The following S100Z variants were observed in gnomAD, a reference collection of about 807,000 sequenced individuals.
S100Z encodes S100 calcium binding protein Z, also known as protein S100-Z.
In S100Z, 11 loss-of-function variants were observed where a neutral mutation model predicts 8.5. That is an observed-to-expected ratio of 1.30 (90% CI 0.82 to 2.15). S100Z has a LOEUF of 2.15. Ranked by LOEUF, S100Z falls within the 30% of genes most tolerant of loss-of-function variation. S100Z has a pLI of 0.00. For missense variants in S100Z, 126 were observed against 117.9 expected, an observed-to-expected ratio of 1.07 and a Z score of -0.32; for synonymous variants, 34 against 43.8, an observed-to-expected ratio of 0.78 and a Z score of 0.89.
the S100Z span, among the ~76,000 whole-genome samples, chr5:76,943,349 G>A: frequency 1.3e-5 from 2 of 152,156 alleles, no homozygotes; most frequent in East Asian, 1.9e-4. Flanking sequence ...CATATTGCAT[G>A]AGAGAGAGAA....
At chr5:76,861,965 A>T (rs1393022869) in intron 1 of S100Z, among the ~76,000 whole-genome samples, 1 of 151,934 alleles carries the variant, frequency 6.6e-6, no homozygotes, top group Admixed American at 6.6e-5. Flanking sequence ...TGTTTAAGTT[A>T]TTCACCTTCA....
intron 4 of S100Z, among the ~76,000 whole-genome samples, chr5:76,889,980 A>G (rs1248962965): frequency 1.3e-5 from 2 of 152,238 alleles, no homozygotes; most frequent in Non-Finnish European, 2.9e-5. Flanking sequence ...GACAATGCCA[A>G]TAGTGAGAAA....
chr5:76,935,009 A>G, the S100Z span, among the ~76,000 whole-genome samples: 1 of 152,098 alleles, frequency 6.6e-6, no homozygotes, highest in Non-Finnish European at 1.5e-5. Flanking sequence ...GTCATGCCAT[A>G]TTTTTCATTC....
rs142018211 is a variant in S100Z at position 76,894,688 on chromosome 5, C to T, written c.*2+16854C>T. On this transcript the variant is annotated intron_variant, in intron 4 of 4. Coordinates refer to ENST00000317593, the MANE Select transcript of S100Z (RefSeq NM_130772.4). ...TCGGCTTACAGCAACCTCCACCTCC[C>T]GGGTTCAAGTGATTCTCCTGCCTCA... Among the ~76,000 whole-genome samples the T allele has an allele frequency of 9.9e-5, 15 of 151,578 alleles. No homozygotes were observed. The East Asian group carries it at 1.4e-3, about 14-fold the overall frequency.
At chr5:76,919,581 T>C (rs1440507780) in intron 4 of S100Z, among the ~76,000 whole-genome samples, 1 of 71,120 alleles carries the variant, frequency 1.4e-5, no homozygotes, top group Non-Finnish European at 2.9e-5. Context: ...TCTCTCTCTC[T>C]TTCTCTCTCC....
chr5:76,942,175 T>C, the S100Z span, among the ~76,000 whole-genome samples: 640 of 152,106 alleles, frequency 4.2e-3, 6 homozygotes, highest in African/African-American at 0.015. Flanking sequence ...AGTGCAGTGG[T>C]GCGATCTTTG....
chr5:76,884,022 A>AG (rs141073714), intron 4 of S100Z, among the ~76,000 whole-genome samples: 110,329 of 152,042 alleles, frequency 0.73, 41,092 homozygotes, highest in African/African-American at 0.89. Context: ...TACACCTTGA[A>AG]GCGAGGTTAA....
downstream of S100Z, among the ~76,000 whole-genome samples, chr5:76,924,225 A>G (rs1193279534): frequency 6.6e-6 from 1 of 152,208 alleles, no homozygotes; most frequent in African/African-American, 2.4e-5. Flanking sequence ...CATTTACTAT[A>G]TAAATTGCCA....
the S100Z span, among the ~76,000 whole-genome samples, chr5:76,942,143 C>G: frequency 6.6e-6 from 1 of 151,958 alleles, no homozygotes; most frequent in South Asian, 2.1e-4. Flanking sequence ...TAGACAGAGT[C>G]TTGCTTTGTT....
At chr5:76,951,278 G>A in the S100Z span, among the ~76,000 whole-genome samples, 6 of 152,236 alleles carry the variant, frequency 3.9e-5, no homozygotes, top group Admixed American at 2.6e-4. Flanking sequence ...AGCAGGGTGG[G>A]AACATCACTG....
chr5:76,924,113 AC>A (rs1391409183), downstream of S100Z, among the ~76,000 whole-genome samples: 1 of 152,144 alleles, frequency 6.6e-6, no homozygotes, highest in East Asian at 1.9e-4. Flanking sequence ...TAAACACCAC[AC>A]TTGGAGCCCA....
At chr5:76,941,344 A>T in the S100Z span, among the ~76,000 whole-genome samples, 4 of 152,118 alleles carry the variant, frequency 2.6e-5, no homozygotes, top group South Asian at 8.3e-4. Context: ...TAATTGAATC[A>T]TGGGGTGAGT....
intron 1 of S100Z, among the ~76,000 whole-genome samples, chr5:76,863,021 G>C (rs1404282394): frequency 6.6e-6 from 1 of 152,120 alleles, no homozygotes; most frequent in Non-Finnish European, 1.5e-5. Flanking sequence ...CATGAACCTG[G>C]ACAACTCACA....
At chr5:76,875,041 G>A (rs990944802) in intron 2 of S100Z, among the ~76,000 whole-genome samples, 1 of 152,056 alleles carries the variant, frequency 6.6e-6, no homozygotes, top group Admixed American at 6.6e-5. Context: ...GGCGCCCGCC[G>A]CCGCGCCCGG....
intron 2 of S100Z, among the ~76,000 whole-genome samples, chr5:76,875,102 A>G (rs1376605851): frequency 6.6e-6 from 1 of 152,124 alleles, no homozygotes. Flanking sequence ...CGTGTTAGCC[A>G]GGATGGTCTC....
At chr5:76,850,486 A>C (rs1750695985) in intron 1 of S100Z, among the ~76,000 whole-genome samples, 1 of 152,090 alleles carries the variant, frequency 6.6e-6, no homozygotes, top group African/African-American at 2.4e-5. Flanking sequence ...CCTTCACCTC[A>C]CCTTGAGAAA....
chr5:76,945,060 C>T, the S100Z span, among the ~76,000 whole-genome samples: 2 of 152,128 alleles, frequency 1.3e-5, no homozygotes, highest in African/African-American at 4.8e-5. Context: ...ATTGCTTTGC[C>T]CTGAGATGCT....
chr5:76,889,359 T>G (rs551038806), intron 4 of S100Z, among the ~76,000 whole-genome samples: 3 of 152,326 alleles, frequency 2.0e-5, no homozygotes, highest in African/African-American at 7.2e-5. Context: ...AAGAAAAAAT[T>G]TTTTAAAAAT....
the S100Z span, among the ~76,000 whole-genome samples, chr5:76,933,339 G>A: frequency 2.0e-5 from 3 of 152,206 alleles, no homozygotes; most frequent in Non-Finnish European, 2.9e-5. Flanking sequence ...GTGGAACAGG[G>A]AAGAATCCTG....
Sources: gnomAD v4.1 joint callset for allele counts (sites outside exome capture counted in the v4.1 genomes callset) on GRCh38, gnomAD v4.1.1 for gene constraint, MANE v1.5 for transcripts, NCBI Gene and HGNC (gene_info 2026-07-23, HGNC 2026-07-21) for gene names.